TBC1D5: variants seen among roughly 807,000 people sequenced by gnomAD.
The protein encoded by TBC1D5 is TBC1 domain family member 5.
Under a neutral mutation model 100.3 loss-of-function variants are expected in TBC1D5, and 75 were observed. That is an observed-to-expected ratio of 0.75 (90% CI 0.62 to 0.91). TBC1D5 has a LOEUF of 0.91. TBC1D5 is among the 40% of genes least tolerant of loss of function. The pLI, the probability that TBC1D5 is intolerant of heterozygous loss-of-function variation, is 0.00. For synonymous variants in TBC1D5, 323 were observed against 325.6 expected (o/e 0.99, Z 0.09); for missense variants, 910 against 942.4 (o/e 0.97, Z 0.45).
At chr3:17,429,344 A>T (rs1227563248) in intron 3 of TBC1D5, among the ~76,000 whole-genome samples, 1 of 151,948 alleles carries the variant, frequency 6.6e-6, no homozygotes, top group African/African-American at 2.4e-5. Context: ...TTAAATATAT[A>T]CTTCAAAGTA....
At chr3:17,540,841 A>G (rs1362562918) in intron 2 of TBC1D5, among the ~76,000 whole-genome samples, 1 of 138,172 alleles carries the variant, frequency 7.2e-6, no homozygotes, top group Non-Finnish European at 1.5e-5. Context: ...CAGGAGGCAG[A>G]GGCTGCAGTG....
chr3:17,316,692 T>C (rs2084741826), intron 13 of TBC1D5, among the ~76,000 whole-genome samples: 1 of 152,240 alleles, frequency 6.6e-6, no homozygotes, highest in African/African-American at 2.4e-5. Flanking sequence ...AGTGAGGAGC[T>C]ATTCTGTGTG....
At chr3:17,374,671 A>G (rs745408360) in exon 11 of TBC1D5, 1 of 1,610,436 alleles carries the variant, frequency 6.2e-7, no homozygotes. Context: ...GACAGTTTTC[A>G]TTTCCTCACT....
chr3:17,553,290 C>T (rs2096488801), intron 2 of TBC1D5, among the ~76,000 whole-genome samples: 1 of 152,128 alleles, frequency 6.6e-6, no homozygotes, highest in Non-Finnish European at 1.5e-5. Context: ...CCTTGTAAAA[C>T]TACAATGAGA....
chr3:17,640,655 A>C (rs927301655), intron 1 of TBC1D5, among the ~76,000 whole-genome samples: 1 of 152,162 alleles, frequency 6.6e-6, no homozygotes, highest in Non-Finnish European at 1.5e-5. Context: ...TTAGTCATCA[A>C]AGACTACTAC....
intron 16 of TBC1D5, among the ~76,000 whole-genome samples, chr3:17,240,473 G>C (rs2076217615): frequency 6.6e-6 from 1 of 152,000 alleles, no homozygotes; most frequent in Non-Finnish European, 1.5e-5. Flanking sequence ...CATTTTTTAG[G>C]TGCTTCCTAG....
At chr3:17,694,561 GAAAC>G (rs1218543238) in intron 1 of TBC1D5, among the ~76,000 whole-genome samples, 10 of 152,268 alleles carry the variant, frequency 6.6e-5, no homozygotes, top group Non-Finnish European at 1.3e-4. Context: ...AGAGTAAAAA[GAAAC>G]AAACAAAGCC....
chr3:17,294,810 C>G (rs1345229911), intron 14 of TBC1D5, among the ~76,000 whole-genome samples: 1 of 152,038 alleles, frequency 6.6e-6, no homozygotes, highest in African/African-American at 2.4e-5. Flanking sequence ...TTAGAAATAC[C>G]CTTAATTTGC....
chr3:17,609,655 A>G (rs1174812080), intron 2 of TBC1D5, among the ~76,000 whole-genome samples: 1 of 152,160 alleles, frequency 6.6e-6, no homozygotes, highest in African/African-American at 2.4e-5. Flanking sequence ...GCCTTCAACT[A>G]TCATCCTCTG....
intron 16 of TBC1D5, among the ~76,000 whole-genome samples, chr3:17,240,817 A>C (rs1460558370): frequency 6.6e-6 from 1 of 152,142 alleles, no homozygotes; most frequent in Non-Finnish European, 1.5e-5. Flanking sequence ...TCAAATTCCC[A>C]CATTGCCGGT....
At chr3:17,346,227 G>T (rs954549155) in intron 13 of TBC1D5, among the ~76,000 whole-genome samples, 2 of 152,118 alleles carry the variant, frequency 1.3e-5, no homozygotes, top group African/African-American at 4.8e-5. Context: ...AACAAACTGT[G>T]AAATTGATCC....
At chr3:17,627,545 A>G (rs967829213) in intron 1 of TBC1D5, among the ~76,000 whole-genome samples, 2 of 152,208 alleles carry the variant, frequency 1.3e-5, no homozygotes, top group African/African-American at 2.4e-5. Context: ...GAATAACTCA[A>G]AAAAGGAGAA....
At chr3:17,509,174 G>A (rs9310517) in intron 2 of TBC1D5, among the ~76,000 whole-genome samples, 74,512 of 151,022 alleles carry the variant, frequency 0.49, 19,872 homozygotes, top group African/African-American at 0.68. Flanking sequence ...CCAGTTTAAA[G>A]AAAAAAACAA....
intron 21 of TBC1D5, among the ~76,000 whole-genome samples, chr3:17,163,726 G>A (rs73819652): frequency 0.059 from 9,053 of 152,206 alleles, 454 homozygotes; most frequent in African/African-American, 0.14. Context: ...TGATGGAAAC[G>A]TTCTCTGTCT....
chr3:17,603,924 C>T (rs1352930233), intron 2 of TBC1D5, among the ~76,000 whole-genome samples: 3 of 152,090 alleles, frequency 2.0e-5, no homozygotes, highest in Non-Finnish European at 1.5e-5. Flanking sequence ...GGATTACAGG[C>T]GTGAGCCACC....
At chr3:17,553,368 G>A (rs750618284) in intron 2 of TBC1D5, among the ~76,000 whole-genome samples, 1 of 152,056 alleles carries the variant, frequency 6.6e-6, no homozygotes, top group Non-Finnish European at 1.5e-5. Flanking sequence ...TAGTAACACT[G>A]GGAAAGACCA....
At chr3:17,366,342 G>T (rs905868378) in intron 13 of TBC1D5, among the ~76,000 whole-genome samples, 3 of 151,756 alleles carry the variant, frequency 2.0e-5, no homozygotes, top group Non-Finnish European at 4.4e-5. Flanking sequence ...CAAAAAAAAG[G>T]ATAAAGCCTT....
At chr3:17,611,017 T>C (rs1490284539) in intron 2 of TBC1D5, among the ~76,000 whole-genome samples, 1 of 152,000 alleles carries the variant, frequency 6.6e-6, no homozygotes, top group Non-Finnish European at 1.5e-5. Context: ...TCTCAGTCTA[T>C]AAGTCAATAA....
chr3:17,468,726 C>T (rs73153024), intron 3 of TBC1D5, among the ~76,000 whole-genome samples: 12,164 of 152,128 alleles, frequency 0.08, 1,006 homozygotes, highest in African/African-American at 0.22. Flanking sequence ...GAGAATCCAG[C>T]CCTGTCTCAC....
Sources: allele counts gnomAD v4.1 joint callset (sites outside exome capture counted in the v4.1 genomes callset), GRCh38; gene constraint gnomAD v4.1.1; transcripts MANE v1.5; gene names NCBI Gene and HGNC (gene_info 2026-07-23, HGNC 2026-07-21).